Variants in TMTC2 observed in about 807,000 individuals in gnomAD.
TMTC2 encodes transmembrane O-mannosyltransferase targeting cadherins 2.
TMTC2 carries 43 observed loss-of-function variants against 82.4 expected under a neutral mutation model. The observed-to-expected ratio is 0.52, with a 90% confidence interval of 0.41 to 0.67. The LOEUF (loss-of-function observed/expected upper bound fraction) is 0.67. Among genes scored for constraint, TMTC2 ranks in the 30% least tolerant of loss-of-function variants. The pLI, the probability that TMTC2 is intolerant of heterozygous loss-of-function variation, is 0.00. For missense variants in TMTC2, 919 were observed against 1,012.4 expected (o/e 0.91, Z 1.25); for synonymous variants, 408 against 381.9 (o/e 1.07, Z -0.80).
chr12:82,894,762 C>T (rs1465749979), intron 2 of TMTC2, among the ~76,000 whole-genome samples: 1 of 152,046 alleles, frequency 6.6e-6, no homozygotes, highest in Non-Finnish European at 1.5e-5. Flanking sequence ...TTTTGTCATT[C>T]TCTTGAAATA....
intron 1 of TMTC2, among the ~76,000 whole-genome samples, chr12:82,764,850 TTTAACA>T (rs1876856589): frequency 6.6e-6 from 1 of 151,580 alleles, no homozygotes; most frequent in African/African-American, 2.4e-5. Flanking sequence ...TTTTTTTTTT[TTTAACA>T]TAAGATGACA....
At chr12:82,875,532 C>G (rs11115468) in intron 2 of TMTC2, among the ~76,000 whole-genome samples, 2,792 of 152,194 alleles carry the variant, frequency 0.018, 88 homozygotes, top group African/African-American at 0.064. Flanking sequence ...TTTGATCCCA[C>G]TTTGTGTCAG....
At chr12:82,960,800 A>C (rs1158884675) in intron 4 of TMTC2, among the ~76,000 whole-genome samples, 1 of 140,400 alleles carries the variant, frequency 7.1e-6, no homozygotes, top group East Asian at 2.2e-4. Context: ...AAATTTTAAC[A>C]AATATATAGG....
At chr12:83,129,649 A>C (rs1885201662) in intron 11 of TMTC2, among the ~76,000 whole-genome samples, 1 of 152,196 alleles carries the variant, frequency 6.6e-6, no homozygotes, top group Admixed American at 6.5e-5. Context: ...GCTAGTAAAC[A>C]TGAAGCCAGT....
chr12:82,869,087 A>G (rs761931929), intron 2 of TMTC2, among the ~76,000 whole-genome samples: 1 of 152,208 alleles, frequency 6.6e-6, no homozygotes, highest in Non-Finnish European at 1.5e-5. Flanking sequence ...AATTCAATAC[A>G]TAAAAATATG....
intron 1 of TMTC2, among the ~76,000 whole-genome samples, chr12:82,715,734 G>T (rs1592868329): frequency 6.6e-6 from 1 of 152,272 alleles, no homozygotes; most frequent in South Asian, 2.1e-4. Flanking sequence ...GGGATGGGAT[G>T]GTAGGGATGG....
chr12:83,082,251 C>G (rs77953720), intron 11 of TMTC2, among the ~76,000 whole-genome samples: 6,683 of 152,224 alleles, frequency 0.044, 184 homozygotes, highest in East Asian at 0.12. Flanking sequence ...TGTGTTACCT[C>G]CCCAAACATG....
intron 1 of TMTC2, among the ~76,000 whole-genome samples, chr12:82,690,706 TC>T (rs1872534835): frequency 1.3e-5 from 2 of 152,150 alleles, no homozygotes; most frequent in Admixed American, 6.6e-5. Flanking sequence ...TCATCCTCCC[TC>T]CCCTTGCTTT....
In TMTC2 at chr12:82,857,577, C is replaced by T. The variant is rs1385605785; in HGVS notation, c.651C>T (p.Tyr217=). The T allele has an allele frequency of 6.3e-7, 1 of 1,598,890 alleles. No homozygotes were observed. The highest frequency in any genetic ancestry group is 8.5e-7 in the Non-Finnish European group (1 of 1,171,860). Residue 217 remains tyrosine, a synonymous_variant, in exon 2 of 12, where the codon TAC becomes TAT. Coordinates refer to ENST00000321196, the MANE Select transcript of TMTC2 (RefSeq NM_152588.3). ...TAAAACAGATATTACCTACCATTTA[C>T]AAAGTAAGTGATTGTTGGCTCTTGA... ...LKIKQILPTI[Y]KRKNLSLFLS...
At chr12:82,913,490 T>C (rs561664015) in intron 3 of TMTC2, among the ~76,000 whole-genome samples, 3 of 152,210 alleles carry the variant, frequency 2.0e-5, no homozygotes, top group Admixed American at 6.5e-5. Context: ...TCTATGAGTT[T>C]TAATCATCCT....
chr12:83,089,751 C>T (rs566211898), intron 11 of TMTC2, among the ~76,000 whole-genome samples: 9 of 151,570 alleles, frequency 5.9e-5, no homozygotes, highest in African/African-American at 1.9e-4. Context: ...ATGTGGATCT[C>T]GCATAAGCCA....
At position 82,879,987 on chromosome 12, in the gene TMTC2, A is replaced by G. The variant is rs1872747935; in HGVS notation, c.655-15831A>G. Among the ~76,000 whole-genome samples, 3 of 152,292 alleles carry G rather than the reference A, an allele frequency of 2.0e-5. No homozygotes were observed. The South Asian group carries it at 6.2e-4, about 32-fold the overall frequency. On this transcript the variant is annotated intron_variant, in intron 2 of 11. Transcript: ENST00000321196. Reference sequence around the variant, plus strand: ...TAACAGGTGTTTAAATTCATTAGGCAATTATACACAGCCTTCTTTCCTCAT... The same window carrying G: ...TAACAGGTGTTTAAATTCATTAGGCGATTATACACAGCCTTCTTTCCTCAT...
At chr12:82,929,915 A>G (rs930112002) in intron 3 of TMTC2, among the ~76,000 whole-genome samples, 2 of 152,152 alleles carry the variant, frequency 1.3e-5, no homozygotes, top group Non-Finnish European at 2.9e-5. Flanking sequence ...AAAGAACATT[A>G]TATCTATAAT....
chr12:83,014,724 A>T, intron 8 of TMTC2, among the ~76,000 whole-genome samples: 1 of 43,638 alleles, frequency 2.3e-5, no homozygotes, highest in South Asian at 1.9e-3. Flanking sequence ...CTAGTTAAGA[A>T]GAGAACTTTT....
intron 9 of TMTC2, among the ~76,000 whole-genome samples, chr12:83,031,593 T>C: frequency 6.6e-6 from 1 of 152,208 alleles, no homozygotes; most frequent in East Asian, 1.9e-4. Context: ...CTTTGGCTGA[T>C]CCCTTGGGGG....
chr12:83,056,076 T>G (rs1882532637), intron 10 of TMTC2, among the ~76,000 whole-genome samples: 1 of 151,964 alleles, frequency 6.6e-6, no homozygotes, highest in Non-Finnish European at 1.5e-5. Context: ...AGAAAACAAT[T>G]TACAGAGTAA....
At chr12:82,717,021 A>T (rs189757390) in intron 1 of TMTC2, among the ~76,000 whole-genome samples, 2 of 152,230 alleles carry the variant, frequency 1.3e-5, no homozygotes, top group East Asian at 3.9e-4. Flanking sequence ...AGCATCACGA[A>T]TCTTAAGGGT....
At chr12:83,112,656 T>A (rs940594597) in intron 11 of TMTC2, among the ~76,000 whole-genome samples, 1 of 152,200 alleles carries the variant, frequency 6.6e-6, no homozygotes. Flanking sequence ...TAATGTGTAA[T>A]AGCAGAAAAG....
At chr12:82,738,070 T>C (rs1437561912) in intron 1 of TMTC2, among the ~76,000 whole-genome samples, 1 of 152,216 alleles carries the variant, frequency 6.6e-6, no homozygotes, top group Non-Finnish European at 1.5e-5. Context: ...TTTTTATTGT[T>C]GTCTCCCTTA....
Sources: gnomAD v4.1 joint callset for allele counts (sites outside exome capture counted in the v4.1 genomes callset) on GRCh38, gnomAD v4.1.1 for gene constraint, MANE v1.5 for transcripts, NCBI Gene and HGNC (gene_info 2026-07-23, HGNC 2026-07-21) for gene names.